A2ML1: variants seen among roughly 807,000 people sequenced by gnomAD.
The protein encoded by A2ML1 is alpha-2-macroglobulin like 1, also known as alpha-2-macroglobulin-like protein 1.
A2ML1 carries 161 observed loss-of-function variants against 181.9 expected under a neutral mutation model. The observed-to-expected ratio is 0.89, with a 90% CI of 0.78 to 1.01. A2ML1 has a LOEUF of 1.01. A2ML1 is among the 50% of genes least tolerant of loss of function. The pLI is 0.00. For synonymous variants in A2ML1, 663 were observed against 666.8 expected (o/e 0.99, Z 0.09); for missense variants, 1,670 against 1,768.1 (o/e 0.94, Z 1.00).
chr12:8,824,685 A>G (rs1283584425), intron 3 of A2ML1, among the ~76,000 whole-genome samples: 4 of 151,636 alleles, frequency 2.6e-5, no homozygotes, highest in African/African-American at 9.7e-5. Flanking sequence ...AGCATCTGGT[A>G]ACCATCATTC....
chr12:8,831,298 G>A (rs377016362), intron 4 of A2ML1, among the ~76,000 whole-genome samples: 1 of 152,254 alleles, frequency 6.6e-6, no homozygotes, highest in African/African-American at 2.4e-5. Context: ...GCTGCAACAA[G>A]GAAGTGCTGG....
intron 33 of A2ML1, among the ~76,000 whole-genome samples, chr12:8,872,062 C>G (rs2136983116): frequency 6.6e-6 from 1 of 152,084 alleles, no homozygotes; most frequent in Non-Finnish European, 1.5e-5. Context: ...GCCTGTAGTC[C>G]CAGCTACTCA....
At chr12:8,854,743 T>C (rs1944002542) in intron 21 of A2ML1, 37 bp from the exon 22 acceptor site, 2 of 1,612,338 alleles carry the variant, frequency 1.2e-6, no homozygotes, top group African/African-American at 1.3e-5. Context: ...CTGATGTTCA[T>C]CTTTGTTGTT....
rs2377606 is a variant in A2ML1 at position 8,854,644 on chromosome 12, T to C, written c.2713-136T>C. On this transcript the variant is annotated intron_variant, in intron 21 of 35. Coordinates refer to ENST00000299698, the MANE Select transcript of A2ML1 (RefSeq NM_144670.6). The stretch of plus-strand genomic sequence containing the variant: ...GGTTGACGCAGAGTTCTTCTGAGCT[T>C]CAGTGAGAAGCTCTTGTCTGCAGTT... 1.8e-5 allele frequency: 5 copies of C among 276,636 alleles called. No individual in the cohort carries two copies. The African/African-American group carries it at 1.8e-4, about 10-fold the overall frequency. 17.1% of individuals were successfully genotyped at this position (276,636 alleles called of 1,614,324 possible).
Position 8,838,467 on chromosome 12 carries a change from T to C in A2ML1, c.970+17T>C, listed in dbSNP as rs773198059. On this transcript the variant is annotated intron_variant, in intron 9 of 35. Transcript: ENST00000299698. ...AAGGGACAGGTAAGTAGGGTGCTCC[T>C]TGGCTCATTAAGAAAAGAGAAAGAA... The C allele has an allele frequency of 1.3e-6, 2 of 1,595,580 alleles. No individual in the cohort carries two copies. Among genetic ancestry groups the C allele is most frequent in the Non-Finnish European group, 1.7e-6 (2 of 1,166,876 alleles).
intron 28 of A2ML1, among the ~76,000 whole-genome samples, chr12:8,861,890 G>T (rs191243124): frequency 3.9e-5 from 6 of 152,270 alleles, no homozygotes; most frequent in Non-Finnish European, 8.8e-5. Flanking sequence ...CTCCCGAGTA[G>T]ATGGGATTAC....
intron 20 of A2ML1, among the ~76,000 whole-genome samples, chr12:8,853,564 G>A (rs1412948347): frequency 6.6e-6 from 1 of 152,130 alleles, no homozygotes; most frequent in Admixed American, 6.6e-5. Context: ...CTGAAGACTC[G>A]ACTAGGAGAG....
intron 11 of A2ML1, among the ~76,000 whole-genome samples, chr12:8,842,801 C>T (rs1943535750): frequency 6.6e-6 from 1 of 152,108 alleles, no homozygotes; most frequent in African/African-American, 2.4e-5. Flanking sequence ...TTTTCTTATC[C>T]CTGAAATATA....
At chr12:8,854,090 G>T (rs1480456275) in intron 20 of A2ML1, 38 bp from the exon 21 acceptor site, 1 of 1,505,744 alleles carries the variant, frequency 6.6e-7, no homozygotes. Context: ...GGTACCTCTG[G>T]CAATAGGGCT....
chr12:8,869,528 A>G (rs1444131979), intron 33 of A2ML1, among the ~76,000 whole-genome samples: 1 of 152,096 alleles, frequency 6.6e-6, no homozygotes, highest in Non-Finnish European at 1.5e-5. Flanking sequence ...AAATATTTCC[A>G]TTTTACCATA....
At chr12:8,838,098 G>T (rs1943348490) in intron 8 of A2ML1, among the ~76,000 whole-genome samples, 1 of 152,070 alleles carries the variant, frequency 6.6e-6, no homozygotes, top group African/African-American at 2.4e-5. Context: ...CCCCAGTAAG[G>T]TACAATTTTC....
chr12:8,831,454 A>G (rs893518776), intron 4 of A2ML1, among the ~76,000 whole-genome samples: 2 of 152,126 alleles, frequency 1.3e-5, no homozygotes, highest in African/African-American at 4.8e-5. Flanking sequence ...CTCTTGTGAA[A>G]TTACTCCTTC....
At chr12:8,870,321 G>T (rs924933614) in intron 33 of A2ML1, among the ~76,000 whole-genome samples, 4 of 151,966 alleles carry the variant, frequency 2.6e-5, no homozygotes, top group Non-Finnish European at 4.4e-5. Flanking sequence ...AGGCTGGAGT[G>T]CAGTGGCACA....
Position 8,843,297 on chromosome 12 carries a change from T to C in A2ML1, c.1412T>C (p.Leu471Pro), listed in dbSNP as rs1282101170. 1.2e-6 allele frequency: 2 copies of C among 1,614,138 alleles called. No homozygotes were observed. Among genetic ancestry groups the C allele is most frequent in the Non-Finnish European group, 1.7e-6 (2 of 1,180,030 alleles). ...PLKCGQPQEV[L>P]VDYYIDPADA... ...AAATGTGGCCAGCCCCAGGAAGTGCTGGTGGATTATTACATCGACCCGGCC... is the reference window on the plus strand; with the variant it reads ...AAATGTGGCCAGCCCCAGGAAGTGCCGGTGGATTATTACATCGACCCGGCC... Residue 471 changes from leucine to proline, a missense_variant, in exon 12 of 36, where the codon CTG becomes CCG. Physicochemically the swap from Leu to Pro is moderately conservative, Grantham distance 98. Coordinates refer to ENST00000299698, the MANE Select transcript of A2ML1 (RefSeq NM_144670.6).
At chr12:8,828,823 A>G (rs1247639034) in intron 3 of A2ML1, among the ~76,000 whole-genome samples, 2 of 152,192 alleles carry the variant, frequency 1.3e-5, no homozygotes, top group Non-Finnish European at 2.9e-5. Context: ...CTCAGCTTCC[A>G]ACCGCTGGGA....
At chr12:8,843,668 G>T (rs116469747) in intron 12 of A2ML1, among the ~76,000 whole-genome samples, 1 of 150,790 alleles carries the variant, frequency 6.6e-6, no homozygotes, top group Non-Finnish European at 1.5e-5. Context: ...CACTTAAAGC[G>T]TATCTCAGTT....
chr12:8,879,947 A>G (rs73047853), downstream of A2ML1, among the ~76,000 whole-genome samples: 20,254 of 152,254 alleles, frequency 0.13, 1,351 homozygotes, highest in South Asian at 0.16. Context: ...CTGGGAATAC[A>G]AAGATAAATA....
Position 8,850,261 on chromosome 12 carries a change from C to G in A2ML1, c.2221C>G (p.Leu741Val). Residue 741 changes from leucine to valine, a missense_variant, in exon 18 of 36, where the codon CTG (leucine) becomes GTG (valine). Coordinates refer to ENST00000299698, the MANE Select transcript of A2ML1 (RefSeq NM_144670.6). The part of the protein sequence containing the change: ...QYFPETWLWD[L>V]FPIGNSGKEA... Reference sequence around the variant, plus strand: ...CTTCCCAGAGACCTGGCTCTGGGATCTGTTTCCTATTGGGTAAGTGATGAC... The same window carrying G: ...CTTCCCAGAGACCTGGCTCTGGGATGTGTTTCCTATTGGGTAAGTGATGAC... 6.2e-7 allele frequency: 1 copy of G among 1,612,252 alleles called. No individual in the cohort carries two copies. The highest frequency in any genetic ancestry group is 8.5e-7 in the Non-Finnish European group (1 of 1,179,336).
intron 33 of A2ML1, among the ~76,000 whole-genome samples, chr12:8,872,031 T>C (rs994797295): frequency 1.8e-4 from 28 of 152,026 alleles, no homozygotes; most frequent in African/African-American, 6.8e-4. Flanking sequence ...TACAAAAAGT[T>C]AGCTGGGCGT....
Sources: allele counts gnomAD v4.1 joint callset (sites outside exome capture counted in the v4.1 genomes callset), GRCh38; gene constraint gnomAD v4.1.1; transcripts MANE v1.5; gene names NCBI Gene and HGNC (gene_info 2026-07-23, HGNC 2026-07-21).